ERBB4: variants seen among roughly 807,000 people sequenced by gnomAD.
ERBB4 encodes the protein erb-b2 receptor tyrosine kinase 4, also known as receptor tyrosine-protein kinase erbB-4.
ERBB4 carries 42 observed loss-of-function variants against 158.0 expected under a neutral mutation model. The ratio of observed to expected loss-of-function variants is 0.27; its 90% CI spans 0.21 to 0.34. ERBB4 has a LOEUF of 0.34. ERBB4 is among the 10% of genes least tolerant of loss of function. ERBB4 has a pLI of 1.00. For synonymous variants in ERBB4, 583 were observed against 558.7 expected (o/e 1.04, Z -0.61); for missense variants, 1,333 against 1,624.1 (o/e 0.82, Z 3.08).
chr2:211,951,240 A>C (rs2125148956), intron 2 of ERBB4, among the ~76,000 whole-genome samples: 1 of 152,294 alleles, frequency 6.6e-6, no homozygotes, highest in Non-Finnish European at 1.5e-5. Flanking sequence ...CACATTTATA[A>C]TGTCAACAGA....
At chr2:212,193,962 C>T (rs376571859) in intron 1 of ERBB4, among the ~76,000 whole-genome samples, 1 of 151,882 alleles carries the variant, frequency 6.6e-6, no homozygotes, top group African/African-American at 2.4e-5. Flanking sequence ...ATTGTTTTGA[C>T]TATGGCACAA....
At chr2:211,930,144 A>G (rs1385194694) in intron 3 of ERBB4, among the ~76,000 whole-genome samples, 1 of 152,184 alleles carries the variant, frequency 6.6e-6, no homozygotes, top group African/African-American at 2.4e-5. Context: ...GTAATGTTTT[A>G]TAAACAACTT....
chr2:212,215,726 C>T (rs142404552), intron 1 of ERBB4, among the ~76,000 whole-genome samples: 2 of 151,468 alleles, frequency 1.3e-5, no homozygotes, highest in East Asian at 1.9e-4. Flanking sequence ...AAGGAAATCC[C>T]TATTAGCAAT....
chr2:212,147,157 ATTTTT>A (rs71397161), intron 1 of ERBB4, among the ~76,000 whole-genome samples: 116 of 34,246 alleles, frequency 3.4e-3, no homozygotes, highest in Non-Finnish European at 4.3e-3. Flanking sequence ...TGCCCAGCTA[ATTTTT>A]TTTTTTTTTT....
At chr2:211,441,411 G>GTAAT (rs2063972663) in intron 20 of ERBB4, among the ~76,000 whole-genome samples, 1 of 152,162 alleles carries the variant, frequency 6.6e-6, no homozygotes, top group Non-Finnish European at 1.5e-5. Context: ...TGATGGTATA[G>GTAAT]TAATAATACA....
At chr2:211,508,282 G>A (rs34303637) in intron 20 of ERBB4, among the ~76,000 whole-genome samples, 35,797 of 150,972 alleles carry the variant, frequency 0.24, 4,489 homozygotes, top group East Asian at 0.39. Flanking sequence ...TTAAATTTAC[G>A]AGAAAAAAAC....
intron 19 of ERBB4, among the ~76,000 whole-genome samples, chr2:211,596,343 C>T (rs1403328272): frequency 6.6e-6 from 1 of 152,042 alleles, no homozygotes; most frequent in Non-Finnish European, 1.5e-5. Flanking sequence ...GAAGTAGAAA[C>T]ACACAGCTCA....
intron 19 of ERBB4, among the ~76,000 whole-genome samples, chr2:211,600,234 A>C (rs181230726): frequency 1.5e-4 from 23 of 152,280 alleles, no homozygotes; most frequent in Non-Finnish European, 2.9e-4. Context: ...TCTCCCAGTT[A>C]ACTGTTTTAA....
intron 20 of ERBB4, among the ~76,000 whole-genome samples, chr2:211,512,764 C>T (rs2065913561): frequency 6.6e-6 from 1 of 152,038 alleles, no homozygotes; most frequent in South Asian, 2.1e-4. Context: ...AGCAGGTCTC[C>T]CACTGCCATG....
At position 212,530,949 on chromosome 2, in the gene ERBB4, G is replaced by A. The variant is rs149299077; in HGVS notation, c.82+7500C>T. Among the ~76,000 whole-genome samples, 184 of 152,080 alleles carry A rather than the reference G, an allele frequency of 1.2e-3. 3 individuals are homozygous for A. The East Asian group carries it at 0.02, about 16-fold the overall frequency. The stretch of plus-strand genomic sequence containing the variant: ...TGAAATATATTATAAATCTTCAATC[G>A]GTCTTGAGTCCTTTTAATTTAACTC... On this transcript the variant is annotated intron_variant, in intron 1 of 27. Coordinates refer to ENST00000342788, the MANE Select transcript of ERBB4 (RefSeq NM_005235.3).
intron 2 of ERBB4, among the ~76,000 whole-genome samples, chr2:211,980,277 C>T (rs2081751714): frequency 6.6e-6 from 1 of 152,132 alleles, no homozygotes; most frequent in Non-Finnish European, 1.5e-5. Flanking sequence ...TAAGAATTAA[C>T]ATTCTAGAAA....
At chr2:211,527,015 T>C (rs2066367696) in intron 20 of ERBB4, among the ~76,000 whole-genome samples, 1 of 152,060 alleles carries the variant, frequency 6.6e-6, no homozygotes. Context: ...GAAAAAATTA[T>C]GGGTAGAAAG....
intron 1 of ERBB4, among the ~76,000 whole-genome samples, chr2:212,392,402 GA>G (rs1170651149): frequency 6.6e-6 from 1 of 151,942 alleles, no homozygotes; most frequent in African/African-American, 2.4e-5. Flanking sequence ...TAAAATTTAA[GA>G]AAAGGCATAC....
intron 3 of ERBB4, among the ~76,000 whole-genome samples, chr2:211,887,273 C>T (rs1437602606): frequency 2.0e-5 from 3 of 148,348 alleles, no homozygotes; most frequent in African/African-American, 7.3e-5. Context: ...CACACACACA[C>T]ACACACAGGT....
At chr2:211,452,971 T>A (rs1018892577) in intron 20 of ERBB4, among the ~76,000 whole-genome samples, 2 of 152,224 alleles carry the variant, frequency 1.3e-5, no homozygotes, top group African/African-American at 2.4e-5. Flanking sequence ...AAAGAAGCCA[T>A]TGAAAACTGA....
intron 3 of ERBB4, among the ~76,000 whole-genome samples, chr2:211,809,902 T>C (rs1230560410): frequency 6.6e-6 from 1 of 152,200 alleles, no homozygotes; most frequent in Non-Finnish European, 1.5e-5. Flanking sequence ...TTTGTTCTGA[T>C]TGATTTCAAA....
intron 1 of ERBB4, among the ~76,000 whole-genome samples, chr2:212,502,280 T>C: frequency 6.6e-6 from 1 of 152,294 alleles, no homozygotes; most frequent in Middle Eastern, 3.4e-3. Flanking sequence ...AGAATCATCA[T>C]AGAAAAAAGT....
At chr2:211,485,799 A>G (rs2065189507) in intron 20 of ERBB4, among the ~76,000 whole-genome samples, 1 of 152,086 alleles carries the variant, frequency 6.6e-6, no homozygotes, top group Non-Finnish European at 1.5e-5. Flanking sequence ...CATGGCACAT[A>G]TACATATGTA....
intron 20 of ERBB4, among the ~76,000 whole-genome samples, chr2:211,504,884 C>T (rs955994231): frequency 6.6e-6 from 1 of 152,022 alleles, no homozygotes; most frequent in African/African-American, 2.4e-5. Context: ...GTTTTCAAAT[C>T]AACCCAGCTA....
Sources: gnomAD v4.1 joint callset for allele counts (sites outside exome capture counted in the v4.1 genomes callset) on GRCh38, gnomAD v4.1.1 for gene constraint, MANE v1.5 for transcripts, NCBI Gene and HGNC (gene_info 2026-07-23, HGNC 2026-07-21) for gene names.